LSM14B: variants seen among roughly 807,000 people sequenced by gnomAD.
LSM14B encodes the protein protein LSM14 homolog B.
In LSM14B, 8 loss-of-function variants were observed where a neutral mutation model predicts 42.1. That is an observed-to-expected ratio of 0.19 (90% CI 0.11 to 0.34). The LOEUF (loss-of-function observed/expected upper bound fraction) is 0.34. Among genes scored for constraint, LSM14B ranks in the 10% least tolerant of loss-of-function variants. The pLI, the probability that LSM14B is intolerant of heterozygous loss-of-function variation, is 1.00. For missense variants in LSM14B, 396 were observed against 513.1 expected (o/e 0.77, Z 2.21); for synonymous variants, 219 against 209.7 (o/e 1.04, Z -0.38).
rs997101107 is a variant in LSM14B at position 62,135,267 on chromosome 20, G to C, written c.*1119G>C. 2 of 152,166 alleles carry C rather than the reference G, an allele frequency of 1.3e-5. No homozygotes were observed. The highest frequency in any genetic ancestry group is 4.8e-5 in the African/African-American group (2 of 41,434). 9.4% of individuals were successfully genotyped at this position (152,166 alleles called of 1,614,324 possible). A position where few individuals can be genotyped will look rare whatever the true frequency, so the allele number is the denominator to read the frequency against. Reference sequence around the variant, plus strand: ...TTGATTAAGTTACTGTAAAAGCTTGGGTTTATTTTTGTAGGACTTAATGGC... The same window carrying C: ...TTGATTAAGTTACTGTAAAAGCTTGCGTTTATTTTTGTAGGACTTAATGGC... On this transcript the variant is annotated 3_prime_UTR_variant, in exon 9 of 9. Transcript: ENST00000279068.
intron 3 of LSM14B, among the ~76,000 whole-genome samples, chr20:62,129,372 T>G (rs539605902): frequency 4.3e-4 from 66 of 152,334 alleles, no homozygotes; most frequent in African/African-American, 1.5e-3. Context: ...TGAAACAAAT[T>G]CTCAGATCCT....
At chr20:62,132,392 C>T (rs1452494233) in intron 7 of LSM14B, among the ~76,000 whole-genome samples, 1 of 152,136 alleles carries the variant, frequency 6.6e-6, no homozygotes, top group African/African-American at 2.4e-5. Context: ...TGTGCTGAAG[C>T]GTGGTGCGGT....
intron 7 of LSM14B, 71 bp from the exon 8 acceptor site, chr20:62,133,219 C>T (rs192957865): frequency 1.9e-5 from 30 of 1,569,954 alleles, no homozygotes; most frequent in African/African-American, 2.7e-5. Context: ...CTGGGCCGCT[C>T]TGAGGACGAG....
rs879045274 is a variant in LSM14B at position 62,126,163 on chromosome 20, C to T, written c.292-141C>T. 41 of 1,237,416 alleles carry T rather than the reference C, an allele frequency of 3.3e-5. No homozygotes were observed. In the South Asian group the frequency reaches 3.8e-4, roughly 11 times the overall value. 76.7% of individuals were successfully genotyped at this position (1,237,416 alleles called of 1,614,324 possible). ...CAGCTCTCACCATACTGGAAACTTG[C>T]ACCCCAAGGGCTCCTCCAGCATCTC... On this transcript the variant is annotated intron_variant, in intron 2 of 8. Transcript: ENST00000279068.
intron 3 of LSM14B, 85 bp downstream of exon 3, chr20:62,126,524 G>A: frequency 2.0e-6 from 3 of 1,516,584 alleles, no homozygotes; most frequent in South Asian, 1.2e-5. Context: ...GTGGGGATAT[G>A]CATTCCTGTC....
chr20:62,127,878 G>T, intron 3 of LSM14B: 1 of 714,238 alleles, frequency 1.4e-6, no homozygotes. Context: ...CAGTGTTAAA[G>T]AAGGGATTAC....
At chr20:62,127,931 G>A in intron 3 of LSM14B, 1 of 667,478 alleles carries the variant, frequency 1.5e-6, no homozygotes, top group Non-Finnish European at 2.7e-6. Flanking sequence ...CTGGGTCCAG[G>A]TTCTCTGTTG....
At chr20:62,132,043 C>A (rs1029239951) in intron 7 of LSM14B, among the ~76,000 whole-genome samples, 3 of 152,226 alleles carry the variant, frequency 2.0e-5, no homozygotes, top group Admixed American at 2.0e-4. Context: ...GAAACTTGGG[C>A]CCATTTGTCC....
Position 62,130,408 on chromosome 20 carries a change from C to T in LSM14B, c.673+112C>T, listed in dbSNP as rs1038854287. The stretch of plus-strand genomic sequence containing the variant: ...GGTTTCAGGGGTGCTGGTGTGAAGT[C>T]GCTGCTTGTGTGCTCTGTTCCTTCT... On this transcript the variant is annotated intron_variant, in intron 5 of 8. Coordinates refer to ENST00000279068, the MANE Select transcript of LSM14B (RefSeq NM_144703.3). This position sits in a 1 kb window ranked among gnomAD's most constrained non-coding sequence, Gnocchi z 4.1. 20 of 1,526,630 alleles carry T rather than the reference C, an allele frequency of 1.3e-5. No individual in the cohort carries two copies. The highest frequency in any genetic ancestry group is 5.5e-5 in the African/African-American group (4 of 72,712). 94.6% of individuals were successfully genotyped at this position (1,526,630 alleles called of 1,614,324 possible).
rs1600903234 is a variant in LSM14B at position 62,122,665 on chromosome 20, C to T, written c.-2C>T. On this transcript the variant is annotated 5_prime_UTR_variant, in exon 1 of 9. Coordinates refer to ENST00000279068, the MANE Select transcript of LSM14B (RefSeq NM_144703.3). This position sits in a 1 kb window ranked among gnomAD's most constrained non-coding sequence, Gnocchi z 4.6. The stretch of plus-strand genomic sequence containing the variant: ...GCGGCCCGACGCACCCCGGCCGCCG[C>T]CATGAGCGGCTCCTCAGGCACCCCG... The T allele has an allele frequency of 1.4e-6, 2 of 1,446,514 alleles. No individual in the cohort carries two copies. Among genetic ancestry groups the T allele is most frequent in the Non-Finnish European group, 1.8e-6 (2 of 1,083,976 alleles). 89.6% of individuals were successfully genotyped at this position (1,446,514 alleles called of 1,614,324 possible). A position where few individuals can be genotyped will look rare whatever the true frequency, so the allele number is the denominator to read the frequency against.
Position 62,133,417 on chromosome 20 carries a change from C to T in LSM14B, c.1114C>T (p.Arg372Cys), listed in dbSNP as rs753471323. The change falls in exon 8 of 9, where the codon CGT (arginine) becomes TGT (cysteine). Residue 372 changes from arginine to cysteine, a missense_variant. Coordinates refer to ENST00000279068, the MANE Select transcript of LSM14B (RefSeq NM_144703.3). ...AGGAGGCAGGGGCAATGGGACCACC[C>T]GTCGCAACCCCACTTCCCACAGGGC... ...FRGGRGNGTT[R>C]RNPTSHRAGT... 1.4e-5 allele frequency: 23 copies of T among 1,612,890 alleles called. No homozygotes were observed. The highest frequency in any genetic ancestry group is 8.4e-5 in the Admixed American group (5 of 59,732).
chr20:62,122,685 AC>A lies in LSM14B; in HGVS notation c.23del (p.Pro8ArgfsTer36). 6.8e-7 allele frequency: 1 copy of A among 1,477,826 alleles called. No individual in the cohort carries two copies. The highest frequency in any genetic ancestry group is 9.1e-7 in the Non-Finnish European group (1 of 1,103,238). 91.5% of individuals were successfully genotyped at this position (1,477,826 alleles called of 1,614,324 possible). A position where few individuals can be genotyped will look rare whatever the true frequency, so the allele number is the denominator to read the frequency against. MSGSSG[T>X]PYLGSKISLI... ...CGCCGCCATGAGCGGCTCCTCAGGC[AC>A]CCCGTATCTGGGCAGCAAGATCAGC... On this transcript the variant is annotated frameshift_variant, in exon 1 of 9. Transcript: ENST00000279068. LOFTEE classifies it high-confidence loss of function. This position sits in a 1 kb window ranked among gnomAD's most constrained non-coding sequence, Gnocchi z 4.6.
At position 62,134,190 on chromosome 20, in the gene LSM14B, C is replaced by T. The variant is rs899673850; in HGVS notation, c.*42C>T. Reference sequence around the variant, plus strand: ...TCCTACTGAAGTGGCGCATAACTGACGCTGTGTGTGTCAGGACGCGAGGAA... The same window carrying T: ...TCCTACTGAAGTGGCGCATAACTGATGCTGTGTGTGTCAGGACGCGAGGAA... On this transcript the variant is annotated 3_prime_UTR_variant, in exon 9 of 9. Transcript: ENST00000279068. 2.3e-5 allele frequency: 11 copies of T among 469,708 alleles called. No individual in the cohort carries two copies. Among genetic ancestry groups the T allele is most frequent in the African/African-American group, 8.0e-5 (4 of 49,948 alleles). The allele number at this position is 469,708 out of a possible 1,614,324, so 29.1% of individuals were successfully genotyped here.
intron 3 of LSM14B, among the ~76,000 whole-genome samples, chr20:62,127,254 C>G (rs1219298607): frequency 6.6e-6 from 1 of 152,218 alleles, no homozygotes; most frequent in Non-Finnish European, 1.5e-5. Flanking sequence ...TTGTCCTTAA[C>G]CTGGACCTAG....
chr20:62,125,277 T>C (rs1027071469), intron 2 of LSM14B, among the ~76,000 whole-genome samples: 1 of 152,218 alleles, frequency 6.6e-6, no homozygotes, highest in Admixed American at 6.5e-5. Context: ...CAGTAGGTGG[T>C]GTGTGCTGTG....
chr20:62,127,966 G>A (rs765018453), intron 3 of LSM14B: 5 of 631,340 alleles, frequency 7.9e-6, no homozygotes, highest in East Asian at 2.7e-5. Flanking sequence ...TACCACATAC[G>A]GGAAACTTCA....
intron 2 of LSM14B, 68 bp from the exon 3 acceptor site, chr20:62,126,236 G>A (rs554914388): frequency 9.3e-6 from 15 of 1,609,040 alleles, no homozygotes; most frequent in African/African-American, 5.3e-5. Context: ...CTGAACAAGC[G>A]CCCTGATGAA....
intron 3 of LSM14B, chr20:62,127,953 G>A: frequency 1.6e-6 from 1 of 643,354 alleles, no homozygotes; most frequent in Admixed American, 2.3e-5. Flanking sequence ...CCTGTACCAT[G>A]ACTACCACAT....
rs1332712411 is a variant in LSM14B at position 62,135,240 on chromosome 20, TATTG to T, written c.*1096_*1099del. 2.6e-5 allele frequency: 4 copies of T among 152,208 alleles called. No homozygotes were observed. The highest frequency in any genetic ancestry group is 6.5e-5 in the Admixed American group (1 of 15,282). 9.4% of individuals were successfully genotyped at this position (152,208 alleles called of 1,614,324 possible). ...AATAGCTATAAAGGCTTTAGTTCTG[TATTG>T]ATTAAGTTACTGTAAAAGCTTGGGT... On this transcript the variant is annotated 3_prime_UTR_variant, in exon 9 of 9. Coordinates refer to ENST00000279068, the MANE Select transcript of LSM14B (RefSeq NM_144703.3).
Sources: gnomAD v4.1 joint callset for allele counts (sites outside exome capture counted in the v4.1 genomes callset) on GRCh38, gnomAD v4.1.1 for gene constraint, Gnocchi (gnomAD v3.1) non-coding constraint, MANE v1.5 for transcripts, NCBI Gene and HGNC (gene_info 2026-07-23, HGNC 2026-07-21) for gene names.